The following CDC42 variants were observed in gnomAD, a reference collection of about 807,000 sequenced individuals.
CDC42 encodes cell division control protein 42 homolog.
A neutral mutation model predicts 20.8 loss-of-function variants in CDC42; 1 was observed. That is an observed-to-expected ratio of 0.05 (90% CI 0.02 to 0.23). The LOEUF is 0.23. CDC42 is among the 10% of genes least tolerant of loss of function. CDC42 has a pLI of 1.00. For missense variants in CDC42, 49 were observed against 227.9 expected, an observed-to-expected ratio of 0.21 and a Z score of 5.05; for synonymous variants, 72 against 84.8, an observed-to-expected ratio of 0.85 and a Z score of 0.83.
rs1190848674 is a variant in CDC42, at chr1:22,100,018, T to C, written c.*8501T>C. Among the ~76,000 whole-genome samples the C allele has an allele frequency of 3.6e-5, 1 of 28,108 alleles. No individual in the cohort carries two copies. Among genetic ancestry groups the C allele is most frequent in the Non-Finnish European group, 7.2e-5 (1 of 13,964 alleles). The allele number at this position is 28,108 out of a possible 152,430, so 18.4% of individuals were successfully genotyped here. A position where few individuals can be genotyped will look rare whatever the true frequency, so the allele number is the denominator to read the frequency against. ...TCAGCTGGCCTTTTTTTCTTTCTTCTTCTTCTTCTTCTTTTTTTTTTTTTT... is the reference window on the plus strand; with the variant it reads ...TCAGCTGGCCTTTTTTTCTTTCTTCCTCTTCTTCTTCTTTTTTTTTTTTTT... On this transcript the variant is annotated 3_prime_UTR_variant, in exon 6 of 6. Transcript: ENST00000656825.
intron 1 of CDC42, among the ~76,000 whole-genome samples, chr1:22,072,446 G>A (rs754538576): frequency 6.6e-6 from 1 of 152,078 alleles, no homozygotes; most frequent in African/African-American, 2.4e-5. Context: ...CTCACGAACA[G>A]CCAAATGGAA....
intron 1 of CDC42, among the ~76,000 whole-genome samples, chr1:22,076,062 G>C (rs1010135696): frequency 1.3e-5 from 2 of 152,100 alleles, no homozygotes; most frequent in Non-Finnish European, 2.9e-5. Context: ...TTGCATTGCT[G>C]GTAACTCACG....
At position 22,092,795 on chromosome 1, in the gene CDC42, T is replaced by C. The variant is rs1645730591; in HGVS notation, c.*1278T>C. ...TTTTCAGCTTATTTTGGTTGCAGTT[T>C]CCAATTTTTAAAAATGTTGAGGTAA... is the stretch of plus-strand genomic sequence containing the variant. On this transcript the variant is annotated 3_prime_UTR_variant, in exon 6 of 6. Coordinates refer to ENST00000656825, the MANE Select transcript of CDC42 (RefSeq NM_001791.4). The C allele has an allele frequency of 6.6e-6, 1 of 152,654 alleles. No homozygotes were observed. The highest frequency in any genetic ancestry group is 2.4e-5 in the African/African-American group (1 of 41,454). The allele number at this position is 152,654 out of a possible 1,614,324, so 9.5% of individuals were successfully genotyped here.
chr1:22,056,392 A>G (rs1645305137), intron 1 of CDC42, among the ~76,000 whole-genome samples: 1 of 152,166 alleles, frequency 6.6e-6, no homozygotes. Flanking sequence ...ATCACTTAGA[A>G]AATCTGTGAT....
At chr1:22,076,833 G>A (rs1645556671) in intron 1 of CDC42, among the ~76,000 whole-genome samples, 1 of 152,028 alleles carries the variant, frequency 6.6e-6, no homozygotes, top group African/African-American at 2.4e-5. Flanking sequence ...GATATAAAAG[G>A]AAGTTGAATA....
At chr1:22,065,401 T>C (rs1466737579) in intron 1 of CDC42, among the ~76,000 whole-genome samples, 2 of 152,224 alleles carry the variant, frequency 1.3e-5, no homozygotes, top group East Asian at 3.8e-4. Flanking sequence ...TCTGAAAGGA[T>C]TGATAAAATT....
In CDC42 at chr1:22,098,857, C is replaced by T. The variant is rs1005420608; in HGVS notation, c.*7340C>T. Among the ~76,000 whole-genome samples, 1 of 152,184 alleles carries T rather than the reference C, an allele frequency of 6.6e-6. No individual in the cohort carries two copies. Among genetic ancestry groups the T allele is most frequent in the Non-Finnish European group, 1.5e-5 (1 of 68,026 alleles). ...CACTGCATCCTTGACCTCCCCAGCT[C>T]AAGCGATCCTCCCGCCTCAGCCTCC... On this transcript the variant is annotated 3_prime_UTR_variant, in exon 6 of 6. Coordinates refer to ENST00000656825, the MANE Select transcript of CDC42 (RefSeq NM_001791.4).
intron 1 of CDC42, among the ~76,000 whole-genome samples, chr1:22,070,941 T>TA (rs1269056080): frequency 6.6e-6 from 1 of 152,146 alleles, no homozygotes; most frequent in African/African-American, 2.4e-5. Flanking sequence ...GGCAAGTGTA[T>TA]CCTTTCTGCA....
chr1:22,090,380 GA>G (rs1165842175), intron 5 of CDC42: 1 of 1,012,468 alleles, frequency 9.9e-7, no homozygotes, highest in African/African-American at 1.7e-5. Flanking sequence ...CTTAGTTCTA[GA>G]TGGAGAAAGT....
At chr1:22,069,545 C>T (rs934209717) in intron 1 of CDC42, among the ~76,000 whole-genome samples, 13 of 149,750 alleles carry the variant, frequency 8.7e-5, no homozygotes, top group Non-Finnish European at 1.5e-4. Context: ...GTAGCCTTGA[C>T]CTTCCTGGCT....
chr1:22,086,037 G>A (rs1645658743), intron 3 of CDC42, among the ~76,000 whole-genome samples: 1 of 152,182 alleles, frequency 6.6e-6, no homozygotes, highest in South Asian at 2.1e-4. Context: ...GTAGAGATGA[G>A]GCTTCATCAT....
intron 1 of CDC42, among the ~76,000 whole-genome samples, chr1:22,062,126 G>C (rs1336702284): frequency 6.7e-6 from 1 of 149,566 alleles, no homozygotes; most frequent in Non-Finnish European, 1.5e-5. Context: ...AGTAGACACG[G>C]GGTTTCACCA....
intron 1 of CDC42, among the ~76,000 whole-genome samples, chr1:22,073,780 G>A (rs1645518435): frequency 6.6e-6 from 1 of 151,700 alleles, no homozygotes; most frequent in Non-Finnish European, 1.5e-5. Flanking sequence ...CAGCCTCCCT[G>A]GTAACTGGGA....
At chr1:22,073,512 C>T (rs1645515296) in intron 1 of CDC42, among the ~76,000 whole-genome samples, 1 of 150,824 alleles carries the variant, frequency 6.6e-6, no homozygotes, top group Non-Finnish European at 1.5e-5. Context: ...GCACTCCAGC[C>T]TGGGTGACAG....
chr1:22,081,162 C>G (rs1645603318), intron 2 of CDC42, among the ~76,000 whole-genome samples: 1 of 152,064 alleles, frequency 6.6e-6, no homozygotes, highest in Non-Finnish European at 1.5e-5. Context: ...CAGTGAGACT[C>G]TGTCTCAAAA....
chr1:22,079,173 C>T lies in CDC42; in HGVS notation c.105+590C>T, dbSNP rs111598637. On this transcript the variant is annotated intron_variant, in intron 2 of 5. Coordinates refer to ENST00000656825, the MANE Select transcript of CDC42 (RefSeq NM_001791.4). Reference sequence around the variant, plus strand: ...TTTTTTTTTGAGATGGAGTCTCTATCGTCCATTCTATCTGGAGTGCAGTAG... The same window carrying T: ...TTTTTTTTTGAGATGGAGTCTCTATTGTCCATTCTATCTGGAGTGCAGTAG... Among the ~76,000 whole-genome samples, 682 of 143,364 alleles carry T rather than the reference C, an allele frequency of 4.8e-3. 2 individuals are homozygous for T. Among genetic ancestry groups the T allele is most frequent in the Middle Eastern group, 0.015 (4 of 272 alleles). The allele number at this position is 143,364 out of a possible 152,430, so 94.1% of individuals were successfully genotyped here.
intron 1 of CDC42, among the ~76,000 whole-genome samples, chr1:22,061,532 CTTTTTTTTTTT>C (rs555957608): frequency 4.1e-3 from 147 of 36,220 alleles, no homozygotes; most frequent in African/African-American, 0.014. Flanking sequence ...ATGTTTCTTT[CTTTTTTTTTTT>C]TTTTTTTTTT....
chr1:22,078,848 A>G (rs761966253), intron 2 of CDC42: 32 of 1,375,232 alleles, frequency 2.3e-5, no homozygotes, highest in Admixed American at 6.9e-5. Context: ...GGTGGTCTCA[A>G]TTTGGTGAAG....
At chr1:22,091,394 A>G in intron 5 of CDC42, 34 bp from the exon 6 acceptor site, 1 of 1,355,346 alleles carries the variant, frequency 7.4e-7, no homozygotes, top group East Asian at 2.3e-5. Flanking sequence ...ACTGAAAATC[A>G]GACCGCCCAT....
Sources: gnomAD v4.1 joint callset for allele counts (sites outside exome capture counted in the v4.1 genomes callset) on GRCh38, gnomAD v4.1.1 for gene constraint, MANE v1.5 for transcripts, NCBI Gene and HGNC (gene_info 2026-07-23, HGNC 2026-07-21) for gene names.